PRKN: variants seen among roughly 807,000 people sequenced by gnomAD.
PRKN encodes the protein parkin RBR E3 ubiquitin protein ligase, also known as E3 ubiquitin-protein ligase parkin.
In PRKN, 56 loss-of-function variants were observed where a neutral mutation model predicts 59.5. The ratio of observed to expected loss-of-function variants is 0.94; its 90% CI spans 0.76 to 1.18. The LOEUF (loss-of-function observed/expected upper bound fraction) is 1.18, where lower values mean the gene tolerates loss of function less well. PRKN is among the 50% of genes most tolerant of loss of function. PRKN has a pLI of 0.00. For missense variants in PRKN, 657 were observed against 596.4 expected, an observed-to-expected ratio of 1.10 and a Z score of -1.06; for synonymous variants, 250 against 222.1, an observed-to-expected ratio of 1.13 and a Z score of -1.12.
At chr6:161,960,112 G>A (rs1470330834) in intron 6 of PRKN, among the ~76,000 whole-genome samples, 1 of 152,152 alleles carries the variant, frequency 6.6e-6, no homozygotes, top group Admixed American at 6.5e-5. Context: ...GGAAAGGGAG[G>A]GCTGTGCTAA....
rs186653886 is a variant in PRKN at position 161,373,844 on chromosome 6, C to T, written c.1167+12950G>A. Among the ~76,000 whole-genome samples the T allele has an allele frequency of 4.6e-5, 7 of 152,268 alleles. No homozygotes were observed. The highest frequency in any genetic ancestry group is 2.1e-4 in the South Asian group (1 of 4,820). Reference sequence around the variant, plus strand: ...AGGAATTATGGGGGCCAGGATCCAGCTGTTAGCTTTTCAAATCTGCACACC... The same window carrying T: ...AGGAATTATGGGGGCCAGGATCCAGTTGTTAGCTTTTCAAATCTGCACACC... On this transcript the variant is annotated intron_variant, in intron 10 of 11. Coordinates refer to ENST00000366898, the MANE Select transcript of PRKN (RefSeq NM_004562.3). The surrounding 1 kb of genome is among the most constrained non-coding windows in gnomAD (Gnocchi z 4.8).
At chr6:161,920,834 A>G (rs1158739557) in intron 6 of PRKN, among the ~76,000 whole-genome samples, 1 of 152,074 alleles carries the variant, frequency 6.6e-6, no homozygotes, top group Non-Finnish European at 1.5e-5. Context: ...CTTACTGTGA[A>G]TGGAGCTTAC....
At position 161,444,653 on chromosome 6, in the gene PRKN, T is replaced by TC. The variant is rs1363987745; in HGVS notation, c.1084-57777dup. On this transcript the variant is annotated intron_variant, in intron 9 of 11. Coordinates refer to ENST00000366898, the MANE Select transcript of PRKN (RefSeq NM_004562.3). The surrounding 1 kb of genome is among the most constrained non-coding windows in gnomAD (Gnocchi z 5.6). Reference sequence around the variant, plus strand: ...AGGCTAATTCACTGTGCTCAGCCTGTCTGCGGGTAGCGAGGGCTCCTGAGT... The same window carrying TC: ...AGGCTAATTCACTGTGCTCAGCCTGTCCTGCGGGTAGCGAGGGCTCCTGAGT... Among the ~76,000 whole-genome samples the TC allele has an allele frequency of 6.6e-6, 1 of 152,216 alleles. No individual in the cohort carries two copies. The highest frequency in any genetic ancestry group is 1.5e-5 in the Non-Finnish European group (1 of 68,032).
intron 5 of PRKN, among the ~76,000 whole-genome samples, chr6:161,997,721 G>C (rs182130131): frequency 7.2e-5 from 11 of 152,164 alleles, no homozygotes; most frequent in African/African-American, 2.4e-4. Context: ...AAAACCAGCA[G>C]TTAGTGATAG....
chr6:162,648,384 C>CTTTTTTTTT (rs10644990), intron 1 of PRKN, among the ~76,000 whole-genome samples: 1 of 144,486 alleles, frequency 6.9e-6, no homozygotes. Flanking sequence ...GGTGTTCTTT[C>CTTTTTTTTT]TTTTTTTATT....
chr6:161,532,928 A>G (rs1440900546), intron 9 of PRKN, among the ~76,000 whole-genome samples: 1 of 152,200 alleles, frequency 6.6e-6, no homozygotes, highest in Non-Finnish European at 1.5e-5. Flanking sequence ...ATACAATTAT[A>G]TGTATGTTGG....
chr6:162,027,603 T>C (rs1379769967), intron 5 of PRKN, among the ~76,000 whole-genome samples: 1 of 152,212 alleles, frequency 6.6e-6, no homozygotes, highest in Non-Finnish European at 1.5e-5. Flanking sequence ...TAATCCTTCC[T>C]GACTATGCCA....
chr6:162,202,030 T>C (rs1784751462), intron 3 of PRKN, among the ~76,000 whole-genome samples: 1 of 152,202 alleles, frequency 6.6e-6, no homozygotes, highest in Non-Finnish European at 1.5e-5. Flanking sequence ...GAATTAACTT[T>C]ATTCAGAAGC....
intron 1 of PRKN, among the ~76,000 whole-genome samples, chr6:162,718,814 A>T (rs1778824168): frequency 6.6e-6 from 1 of 152,200 alleles, no homozygotes; most frequent in Non-Finnish European, 1.5e-5. Context: ...AAAAACAAGC[A>T]CAGAGACTTG....
intron 1 of PRKN, among the ~76,000 whole-genome samples, chr6:162,723,258 G>C (rs573729425): frequency 7.2e-5 from 11 of 152,274 alleles, no homozygotes; most frequent in Non-Finnish European, 1.5e-4. Context: ...CAAAACTAAC[G>C]CACTATAAGA....
intron 1 of PRKN, among the ~76,000 whole-genome samples, chr6:162,726,113 A>G (rs1429608977): frequency 6.6e-6 from 1 of 152,206 alleles, no homozygotes; most frequent in Non-Finnish European, 1.5e-5. Context: ...CATCCTAATA[A>G]AGTTATTTAT....
At chr6:161,790,777 C>A (rs1318795119) in intron 6 of PRKN, among the ~76,000 whole-genome samples, 1 of 152,092 alleles carries the variant, frequency 6.6e-6, no homozygotes, top group Non-Finnish European at 1.5e-5. Context: ...TTATAGCAGC[C>A]AGAATGTACT....
At chr6:162,612,171 A>AC (rs1782208202) in intron 1 of PRKN, among the ~76,000 whole-genome samples, 1 of 118,850 alleles carries the variant, frequency 8.4e-6, no homozygotes, top group Non-Finnish European at 1.7e-5. Flanking sequence ...CCAGCCTCGG[A>AC]GACAGAGTGA....
intron 6 of PRKN, among the ~76,000 whole-genome samples, chr6:161,900,930 T>G (rs866638275): frequency 1.5e-5 from 2 of 132,220 alleles, no homozygotes; most frequent in Admixed American, 1.5e-4. Context: ...ATATATATAT[T>G]TTTTAGATGG....
At chr6:162,126,065 T>C (rs1384119548) in intron 4 of PRKN, among the ~76,000 whole-genome samples, 1 of 152,234 alleles carries the variant, frequency 6.6e-6, no homozygotes, top group Non-Finnish European at 1.5e-5. Context: ...ATATGATACA[T>C]GGTTGCAAAT....
At chr6:161,749,642 G>A (rs1371155884) in intron 7 of PRKN, among the ~76,000 whole-genome samples, 2 of 152,008 alleles carry the variant, frequency 1.3e-5, no homozygotes, top group Non-Finnish European at 2.9e-5. Context: ...TAGCCCCATG[G>A]TACACTGCAA....
intron 7 of PRKN, among the ~76,000 whole-genome samples, chr6:161,685,920 CCCCGGT>C (rs1785533588): frequency 6.6e-6 from 1 of 152,180 alleles, no homozygotes; most frequent in Non-Finnish European, 1.5e-5. Context: ...AGCAACCTCA[CCCCGGT>C]CCCAGGCCTG....
At chr6:162,150,472 A>C (rs1782222555) in intron 4 of PRKN, among the ~76,000 whole-genome samples, 1 of 152,182 alleles carries the variant, frequency 6.6e-6, no homozygotes, top group Non-Finnish European at 1.5e-5. Context: ...TAGAGCACAG[A>C]GCCCCTGGCA....
At chr6:161,709,048 A>G (rs1242341312) in intron 7 of PRKN, among the ~76,000 whole-genome samples, 1 of 152,216 alleles carries the variant, frequency 6.6e-6, no homozygotes, top group Non-Finnish European at 1.5e-5. Flanking sequence ...ATTAATTTCT[A>G]CTTAACTTTA....
Sources: allele counts gnomAD v4.1 joint callset (sites outside exome capture counted in the v4.1 genomes callset), GRCh38; gene constraint gnomAD v4.1.1; non-coding constraint Gnocchi (gnomAD v3.1); transcripts MANE v1.5; gene names NCBI Gene and HGNC (gene_info 2026-07-23, HGNC 2026-07-21).